The following LTBP1 variants were observed in gnomAD, a reference collection of about 807,000 sequenced individuals.
LTBP1 encodes latent-transforming growth factor beta-binding protein 1.
Under a neutral mutation model 207.6 loss-of-function variants are expected in LTBP1, and 129 were observed. The observed-to-expected ratio is 0.62, with a 90% CI of 0.54 to 0.72. LTBP1 has a LOEUF of 0.72. Ranked by LOEUF, LTBP1 falls within the 30% of genes least tolerant of loss-of-function variation. The pLI, the probability that LTBP1 is intolerant of heterozygous loss-of-function variation, is 0.00. For missense variants in LTBP1, 2,281 were observed against 2,217.2 expected (o/e 1.03, Z -0.58); for synonymous variants, 963 against 833.7 (o/e 1.16, Z -2.67).
chr2:33,360,278 G>T (rs1474854392), intron 26 of LTBP1, among the ~76,000 whole-genome samples: 4 of 152,124 alleles, frequency 2.6e-5, no homozygotes, highest in South Asian at 4.1e-4. Flanking sequence ...GTAACAAATG[G>T]CCCTATGTTT....
At chr2:33,236,588 TC>T (rs1354326631) in intron 9 of LTBP1, among the ~76,000 whole-genome samples, 1 of 152,242 alleles carries the variant, frequency 6.6e-6, no homozygotes, top group African/African-American at 2.4e-5. Flanking sequence ...TATTAACTCT[TC>T]CTCAGGAAAG....
intron 2 of LTBP1, among the ~76,000 whole-genome samples, chr2:32,973,160 T>C (rs1681170082): frequency 6.6e-6 from 1 of 152,192 alleles, no homozygotes; most frequent in Admixed American, 6.5e-5. Flanking sequence ...TAGGTCTACT[T>C]GTCCAAGTGT....
chr2:33,222,275 C>A, intron 9 of LTBP1, 124 bp downstream of exon 9: 1 of 686,060 alleles, frequency 1.5e-6, no homozygotes, highest in Non-Finnish European at 2.7e-6. Context: ...CATGTTCACT[C>A]CTTTTGGCTA....
At chr2:33,169,832 A>G (rs1356368984) in intron 5 of LTBP1, among the ~76,000 whole-genome samples, 1 of 152,220 alleles carries the variant, frequency 6.6e-6, no homozygotes, top group African/African-American at 2.4e-5. Context: ...GGATAACAAG[A>G]TAGTTCAAAC....
intron 3 of LTBP1, among the ~76,000 whole-genome samples, chr2:33,024,837 C>G (rs1312302960): frequency 1.3e-5 from 2 of 152,180 alleles, no homozygotes; most frequent in Non-Finnish European, 2.9e-5. Flanking sequence ...CCTAAAATAA[C>G]ATGCATTTAT....
chr2:33,179,451 TTCTTA>T (rs1364149215), intron 5 of LTBP1, among the ~76,000 whole-genome samples: 5 of 148,636 alleles, frequency 3.4e-5, no homozygotes. Context: ...AATGCATATA[TTCTTA>T]AAAAAAAAAC....
chr2:33,219,609 A>G (rs536798429), intron 8 of LTBP1, among the ~76,000 whole-genome samples: 23 of 152,006 alleles, frequency 1.5e-4, no homozygotes, highest in African/African-American at 5.3e-4. Flanking sequence ...GGAGGATGAT[A>G]TATTTTCCAC....
At chr2:33,126,260 G>A (rs960011626) in intron 4 of LTBP1, among the ~76,000 whole-genome samples, 1 of 151,948 alleles carries the variant, frequency 6.6e-6, no homozygotes, top group African/African-American at 2.4e-5. Flanking sequence ...TTAGAAACAG[G>A]GTCTTGCTAT....
intron 24 of LTBP1, among the ~76,000 whole-genome samples, chr2:33,325,101 C>T (rs983569828): frequency 3.9e-5 from 6 of 152,122 alleles, no homozygotes; most frequent in Admixed American, 6.6e-5. Flanking sequence ...CCTTTGTTTT[C>T]CCTGAGAGTT....
chr2:33,149,874 G>C (rs2083370725), intron 5 of LTBP1, among the ~76,000 whole-genome samples: 1 of 152,156 alleles, frequency 6.6e-6, no homozygotes, highest in African/African-American at 2.4e-5. Flanking sequence ...GTGTTTATTT[G>C]AACGATAGCA....
At chr2:33,052,029 G>A (rs2076770368) in intron 3 of LTBP1, among the ~76,000 whole-genome samples, 2 of 152,220 alleles carry the variant, frequency 1.3e-5, no homozygotes, top group African/African-American at 4.8e-5. Flanking sequence ...TCTCAGTCAA[G>A]TTTTATAGTC....
chr2:33,057,046 G>C (rs1004652645), intron 3 of LTBP1, among the ~76,000 whole-genome samples: 1 of 151,992 alleles, frequency 6.6e-6, no homozygotes. Flanking sequence ...ACAGAGTGTC[G>C]ATTGGTATAT....
chr2:33,185,852 G>C (rs1284700492), intron 5 of LTBP1, among the ~76,000 whole-genome samples: 1 of 152,184 alleles, frequency 6.6e-6, no homozygotes, highest in Non-Finnish European at 1.5e-5. Context: ...TTATGGAGGA[G>C]ACGATTTAAA....
chr2:32,967,946 ATGGATTCATCTATTATTCCT>A (rs1172824439), intron 2 of LTBP1, among the ~76,000 whole-genome samples: 1 of 151,698 alleles, frequency 6.6e-6, no homozygotes, highest in African/African-American at 2.4e-5. Context: ...TAGATGAATT[ATGGATTCATCTATTATTCCT>A]TGCATTTCTA....
At position 33,134,496 on chromosome 2, in the gene LTBP1, C is replaced by G; in HGVS notation, c.1034-297C>G. On this transcript the variant is annotated intron_variant, in intron 4 of 33. Transcript: ENST00000404816. The surrounding 1 kb of genome is among the most constrained non-coding windows in gnomAD (Gnocchi z 4.4). ...TCTTTGTCTGCCCGTGAATAAAGTG[C>G]AGCATTGTGGTTAGTAATCCCACTC... 7.6e-7 allele frequency: 1 copy of G among 1,314,786 alleles called. No homozygotes were observed. The highest frequency in any genetic ancestry group is 3.1e-5 in the East Asian group (1 of 32,128). 81.4% of individuals were successfully genotyped at this position (1,314,786 alleles called of 1,614,324 possible). A position where few individuals can be genotyped will look rare whatever the true frequency, so the allele number is the denominator to read the frequency against.
chr2:33,283,966 T>C (rs2093615036), intron 19 of LTBP1, among the ~76,000 whole-genome samples: 1 of 152,256 alleles, frequency 6.6e-6, no homozygotes, highest in Non-Finnish European at 1.5e-5. Flanking sequence ...ATTATGCTTA[T>C]AGTTTTTTTT....
intron 24 of LTBP1, among the ~76,000 whole-genome samples, chr2:33,328,311 A>G (rs935241813): frequency 6.6e-6 from 1 of 151,930 alleles, no homozygotes; most frequent in Non-Finnish European, 1.5e-5. Context: ...CATATCCAAT[A>G]CTCATACATA....
Position 33,182,086 on chromosome 2 carries a change from T to C in LTBP1, c.1202-4770T>C, listed in dbSNP as rs148342107. Among the ~76,000 whole-genome samples the C allele has an allele frequency of 7.3e-3, 1,112 of 152,286 alleles. 19 individuals are homozygous for C. The highest frequency in any genetic ancestry group is 0.025 in the African/African-American group (1,035 of 41,552). ...AGAACTGGAGAATAGATATTTTATT[T>C]ATTATTCATAAAGGGTTATAAATAC... is the stretch of plus-strand genomic sequence containing the variant. On this transcript the variant is annotated intron_variant, in intron 5 of 33. Coordinates refer to ENST00000404816, the MANE Select transcript of LTBP1 (RefSeq NM_206943.4).
chr2:33,321,685 A>T (rs1263407480), intron 24 of LTBP1, among the ~76,000 whole-genome samples: 1 of 152,220 alleles, frequency 6.6e-6, no homozygotes, highest in Admixed American at 6.5e-5. Context: ...GATGCTGAAG[A>T]ACTCTGATGC....
Sources: gnomAD v4.1 joint callset for allele counts (sites outside exome capture counted in the v4.1 genomes callset) on GRCh38, gnomAD v4.1.1 for gene constraint, Gnocchi (gnomAD v3.1) non-coding constraint, MANE v1.5 for transcripts, NCBI Gene and HGNC (gene_info 2026-07-23, HGNC 2026-07-21) for gene names.